CNTN4: variants seen among roughly 807,000 people sequenced by gnomAD.
CNTN4 encodes contactin-4.
Under a neutral mutation model 122.5 loss-of-function variants are expected in CNTN4, and 77 were observed. The ratio of observed to expected loss-of-function variants is 0.63; its 90% CI spans 0.52 to 0.76. The LOEUF (loss-of-function observed/expected upper bound fraction) is 0.76. Ranked by LOEUF, CNTN4 falls within the 30% of genes least tolerant of loss-of-function variation. The probability of loss-of-function intolerance (pLI) is 0.00; values close to 1 mark genes in which losing one functional copy is unlikely to be tolerated. For missense variants in CNTN4, 1,256 were observed against 1,259.1 expected, an observed-to-expected ratio of 1.00 and a Z score of 0.04; for synonymous variants, 512 against 447.0, an observed-to-expected ratio of 1.15 and a Z score of -1.83.
intron 3 of CNTN4, among the ~76,000 whole-genome samples, chr3:2,496,003 T>C (rs2076443087): frequency 6.6e-6 from 1 of 152,164 alleles, no homozygotes; most frequent in South Asian, 2.1e-4. Context: ...ATCCAGATGA[T>C]AGATTTATGC....
intron 3 of CNTN4, among the ~76,000 whole-genome samples, chr3:2,404,295 C>G (rs1337560993): frequency 6.6e-6 from 1 of 152,112 alleles, no homozygotes; most frequent in Non-Finnish European, 1.5e-5. Flanking sequence ...CAGGCCTTTC[C>G]CCTTCCTGGA....
intron 3 of CNTN4, among the ~76,000 whole-genome samples, chr3:2,481,772 C>T (rs563701685): frequency 1.3e-5 from 2 of 152,008 alleles, no homozygotes; most frequent in South Asian, 4.2e-4. Flanking sequence ...AGTGAGTTCT[C>T]AAAAGATCTG....
At chr3:2,902,745 T>A in intron 11 of CNTN4, 131 bp from the exon 12 acceptor site, 3 of 885,752 alleles carry the variant, frequency 3.4e-6, no homozygotes, top group Non-Finnish European at 3.6e-6. Context: ...AAATAGATCA[T>A]GTTATGTAAA....
chr3:2,759,790 C>T (rs888905914), intron 6 of CNTN4, among the ~76,000 whole-genome samples: 3 of 151,870 alleles, frequency 2.0e-5, no homozygotes, highest in African/African-American at 7.3e-5. Flanking sequence ...ATTTTACAGT[C>T]CTACCAACTG....
intron 6 of CNTN4, among the ~76,000 whole-genome samples, chr3:2,816,425 G>T (rs1322868169): frequency 1.3e-5 from 2 of 151,762 alleles, no homozygotes; most frequent in South Asian, 2.1e-4. Flanking sequence ...GGGGACTTAG[G>T]GGGAAGAGTG....
intron 2 of CNTN4, among the ~76,000 whole-genome samples, chr3:2,112,392 C>T (rs1009949809): frequency 3.9e-5 from 6 of 152,134 alleles, no homozygotes; most frequent in Non-Finnish European, 8.8e-5. Context: ...GAATAGCAGT[C>T]ACTTTATAGG....
intron 4 of CNTN4, among the ~76,000 whole-genome samples, chr3:2,677,421 GAGAGATCTATGTATCTATACATAGATAT>G (rs1214674754): frequency 2.0e-5 from 3 of 150,718 alleles, no homozygotes; most frequent in African/African-American, 7.3e-5. Flanking sequence ...TAGATATAGA[GAGAGATCTATGTATCTATACATAGATAT>G]AGAGATCTAT....
chr3:2,675,668 G>A (rs2084804984), intron 4 of CNTN4, among the ~76,000 whole-genome samples: 1 of 152,168 alleles, frequency 6.6e-6, no homozygotes, highest in African/African-American at 2.4e-5. Context: ...ACATTGAATG[G>A]GAGGAAATAG....
At chr3:2,725,211 A>G (rs1295968311) in intron 4 of CNTN4, among the ~76,000 whole-genome samples, 1 of 152,150 alleles carries the variant, frequency 6.6e-6, no homozygotes, top group African/African-American at 2.4e-5. Context: ...TGCTTAAAAC[A>G]GCCTGATGTG....
At chr3:2,121,112 TCTCC>T (rs1329134199) in intron 2 of CNTN4, among the ~76,000 whole-genome samples, 1 of 149,626 alleles carries the variant, frequency 6.7e-6, no homozygotes, top group Non-Finnish European at 1.5e-5. Flanking sequence ...TCCTTCCTTC[TCTCC>T]CTCCCTCTCT....
chr3:2,292,914 G>T (rs190580796), intron 2 of CNTN4, among the ~76,000 whole-genome samples: 1 of 152,124 alleles, frequency 6.6e-6, no homozygotes, highest in South Asian at 2.1e-4. Context: ...ATTTCTATAG[G>T]AGTAAAACTG....
intron 3 of CNTN4, among the ~76,000 whole-genome samples, chr3:2,431,812 A>G (rs2048082681): frequency 6.6e-6 from 1 of 152,190 alleles, no homozygotes; most frequent in African/African-American, 2.4e-5. Flanking sequence ...CTGAGGAAGG[A>G]ATTTTTGCAC....
At chr3:2,840,559 C>T (rs1202024210) in intron 7 of CNTN4, among the ~76,000 whole-genome samples, 2 of 23,318 alleles carry the variant, frequency 8.6e-5, no homozygotes, top group African/African-American at 1.3e-4. Flanking sequence ...ATTAGCCGGG[C>T]GCGGTGATGG....
At chr3:3,048,508 C>G (rs1039961863) in intron 23 of CNTN4, among the ~76,000 whole-genome samples, 1 of 132,404 alleles carries the variant, frequency 7.6e-6, no homozygotes, top group Non-Finnish European at 1.5e-5. Flanking sequence ...CTCTTTCTCT[C>G]TCTCTCTCTG....
Position 2,966,738 on chromosome 3 carries a change from T to G in CNTN4, c.1359-21607T>G, listed in dbSNP as rs75760045. On this transcript the variant is annotated intron_variant, in intron 13 of 24. Transcript: ENST00000418658. ...GTATCAAAATGTCACATGTATCCCATAAATATATATGCCTATTATGTACCC... is the reference window on the plus strand; with the variant it reads ...GTATCAAAATGTCACATGTATCCCAGAAATATATATGCCTATTATGTACCC... Among the ~76,000 whole-genome samples the G allele has an allele frequency of 3.0e-4, 46 of 152,356 alleles. No individual in the cohort carries two copies. In the East Asian group the frequency reaches 6.9e-3, roughly 23 times the overall value.
chr3:2,118,092 T>A (rs1377864522), intron 2 of CNTN4, among the ~76,000 whole-genome samples: 1 of 152,262 alleles, frequency 6.6e-6, no homozygotes, highest in South Asian at 2.1e-4. Context: ...ACATTTATAA[T>A]GTACCAAGGA....
At chr3:2,896,487 C>G (rs1387442720) in intron 10 of CNTN4, among the ~76,000 whole-genome samples, 2 of 152,232 alleles carry the variant, frequency 1.3e-5, no homozygotes, top group East Asian at 3.9e-4. Context: ...ATGGACCTTG[C>G]CCTGAAATCC....
intron 2 of CNTN4, among the ~76,000 whole-genome samples, chr3:2,104,229 C>CGT (rs142907603): frequency 0.082 from 11,170 of 135,498 alleles, 449 homozygotes; most frequent in Middle Eastern, 0.13. Flanking sequence ...TTTATGTCTA[C>CGT]GTGTGTGTGT....
intron 4 of CNTN4, among the ~76,000 whole-genome samples, chr3:2,599,313 T>C (rs2080918343): frequency 6.6e-6 from 1 of 152,226 alleles, no homozygotes; most frequent in Non-Finnish European, 1.5e-5. Context: ...ATAGAGCTGG[T>C]AAATGGTGAA....
Sources: gnomAD v4.1 joint callset for allele counts (sites outside exome capture counted in the v4.1 genomes callset) on GRCh38, gnomAD v4.1.1 for gene constraint, MANE v1.5 for transcripts, NCBI Gene and HGNC (gene_info 2026-07-23, HGNC 2026-07-21) for gene names.